The following BTRC variants were observed in gnomAD, a reference collection of about 807,000 sequenced individuals.
The protein encoded by BTRC is F-box/WD repeat-containing protein 1A.
In BTRC, 42 loss-of-function variants were observed where a neutral mutation model predicts 85.5. The observed-to-expected ratio is 0.49, with a 90% CI of 0.38 to 0.64. The LOEUF is 0.64. Among genes scored for constraint, BTRC ranks in the 30% least tolerant of loss-of-function variants. BTRC has a pLI of 0.00. For synonymous variants in BTRC, 255 were observed against 263.3 expected, an observed-to-expected ratio of 0.97 and a Z score of 0.30; for missense variants, 594 against 743.5, an observed-to-expected ratio of 0.80 and a Z score of 2.34.
chr10:101,525,460 C>A (rs2062176489), intron 5 of BTRC, among the ~76,000 whole-genome samples: 1 of 152,104 alleles, frequency 6.6e-6, no homozygotes, highest in South Asian at 2.1e-4. Context: ...GGGATATTTC[C>A]ATGCCATTCT....
intron 4 of BTRC, among the ~76,000 whole-genome samples, chr10:101,507,438 C>T (rs752978148): frequency 2.6e-5 from 4 of 152,204 alleles, no homozygotes; most frequent in African/African-American, 7.2e-5. Context: ...GGCTCTGTGC[C>T]GCTCCGATCC....
chr10:101,482,691 G>A (rs945869412), intron 4 of BTRC, among the ~76,000 whole-genome samples: 1 of 152,176 alleles, frequency 6.6e-6, no homozygotes, highest in East Asian at 1.9e-4. Flanking sequence ...TGCCGCATCC[G>A]GCCAACTGTT....
chr10:101,537,731 A>G (rs759829844), intron 12 of BTRC, among the ~76,000 whole-genome samples: 5 of 152,228 alleles, frequency 3.3e-5, no homozygotes, highest in Non-Finnish European at 5.9e-5. Flanking sequence ...TGGGACAGCC[A>G]TCACTGTTAC....
rs1335931067 is a variant in BTRC, at chr10:101,534,927, C to T, written c.1347+17C>T. 1 of 1,604,156 alleles carries T rather than the reference C, an allele frequency of 6.2e-7. No homozygotes were observed. The highest frequency in any genetic ancestry group is 1.1e-5 in the South Asian group (1 of 90,866). ...ACTATAAAGGTAATAAGGCATTTTTCAGTAAGTTTCCAACTTAGAATGGGG... is the reference window on the plus strand; with the variant it reads ...ACTATAAAGGTAATAAGGCATTTTTTAGTAAGTTTCCAACTTAGAATGGGG... On this transcript the variant is annotated intron_variant, in intron 10 of 14. Coordinates refer to ENST00000370187, the MANE Select transcript of BTRC (RefSeq NM_033637.4).
chr10:101,510,080 G>A (rs1324511308), intron 4 of BTRC, among the ~76,000 whole-genome samples: 2 of 151,988 alleles, frequency 1.3e-5, no homozygotes, highest in Non-Finnish European at 2.9e-5. Context: ...GTTGCAGTGA[G>A]CCGAGATTGC....
intron 2 of BTRC, among the ~76,000 whole-genome samples, chr10:101,457,969 C>CA (rs1246897991): frequency 6.6e-6 from 1 of 152,122 alleles, no homozygotes; most frequent in Non-Finnish European, 1.5e-5. Context: ...TACATATACA[C>CA]ACGCACATAC....
At chr10:101,548,898 C>G (rs1262898276) in intron 13 of BTRC, among the ~76,000 whole-genome samples, 1 of 150,706 alleles carries the variant, frequency 6.6e-6, no homozygotes, top group African/African-American at 2.4e-5. Context: ...ACTAAAAATA[C>G]AAAAATTAGC....
At chr10:101,410,223 G>A (rs779697471) in intron 1 of BTRC, among the ~76,000 whole-genome samples, 3 of 152,100 alleles carry the variant, frequency 2.0e-5, no homozygotes, top group Admixed American at 6.5e-5. Flanking sequence ...CTGCTTTTTA[G>A]CTTTCTTTAG....
chr10:101,377,363 G>A (rs903195290), intron 1 of BTRC, among the ~76,000 whole-genome samples: 1 of 152,204 alleles, frequency 6.6e-6, no homozygotes, highest in Non-Finnish European at 1.5e-5. Context: ...ATAAACACTT[G>A]TGTATAGATT....
chr10:101,358,639 G>C (rs923425413), intron 1 of BTRC, among the ~76,000 whole-genome samples: 3 of 152,040 alleles, frequency 2.0e-5, no homozygotes, highest in African/African-American at 7.2e-5. Context: ...TGCTTCACTT[G>C]GTATTGGCTG....
intron 13 of BTRC, among the ~76,000 whole-genome samples, chr10:101,544,599 T>A (rs907153681): frequency 3.3e-5 from 5 of 151,926 alleles, no homozygotes; most frequent in Admixed American, 2.0e-4. Flanking sequence ...AGAGATAGGG[T>A]CTCATTGTGT....
chr10:101,473,465 CTTTT>C (rs869163139), intron 3 of BTRC, among the ~76,000 whole-genome samples: 4 of 96,770 alleles, frequency 4.1e-5, no homozygotes, highest in Non-Finnish European at 7.7e-5. Context: ...TCTTTTTTCT[CTTTT>C]TTTTTTTTTT....
In BTRC at chr10:101,521,855, A is replaced by G. The variant is rs551753941; in HGVS notation, c.541A>G (p.Ile181Val). Residue 181 changes from isoleucine (I) to valine (V), a missense_variant, in exon 5 of 15, where the codon ATA becomes GTA. By Grantham distance (29) the Ile-to-Val change is conservative (BLOSUM62 3). Transcript: ENST00000370187. ...TAAACCTATGTTGCAGAGAGATTTC[A>G]TAACTGCTCTGCCAGGTATGTCTAC... The part of the protein sequence containing the change: ...YLKPMLQRDF[I>V]TALPARGLDH... 1.4e-5 allele frequency: 23 copies of G among 1,610,774 alleles called. No homozygotes were observed. In the South Asian group the frequency reaches 2.0e-4, roughly 14 times the overall value.
chr10:101,465,092 TTTTG>T (rs1360756052), intron 3 of BTRC, among the ~76,000 whole-genome samples: 3 of 152,176 alleles, frequency 2.0e-5, no homozygotes, highest in African/African-American at 7.2e-5. Flanking sequence ...CCATTTGCTA[TTTTG>T]TTTTTTTGTT....
intron 2 of BTRC, among the ~76,000 whole-genome samples, chr10:101,442,571 G>T (rs1260564523): frequency 6.6e-6 from 1 of 152,028 alleles, no homozygotes; most frequent in East Asian, 1.9e-4. Flanking sequence ...ATTTTATTAG[G>T]CATAAAGTTT....
intron 4 of BTRC, among the ~76,000 whole-genome samples, chr10:101,516,917 A>G (rs1206296870): frequency 6.6e-6 from 1 of 152,206 alleles, no homozygotes; most frequent in Non-Finnish European, 1.5e-5. Flanking sequence ...CTTTTAAAAG[A>G]CAAAGGGTGC....
chr10:101,532,820 A>C (rs2062319428), intron 8 of BTRC, 132 bp from the exon 9 acceptor site: 1 of 702,440 alleles, frequency 1.4e-6, no homozygotes, highest in African/African-American at 1.9e-5. Flanking sequence ...GCTTAGCTAT[A>C]CCTATAGAAA....
intron 4 of BTRC, among the ~76,000 whole-genome samples, chr10:101,497,474 A>G (rs1297202828): frequency 6.6e-6 from 1 of 152,050 alleles, no homozygotes; most frequent in Non-Finnish European, 1.5e-5. Flanking sequence ...GCCCAGGTGG[A>G]AGGATTGAGC....
intron 2 of BTRC, among the ~76,000 whole-genome samples, chr10:101,443,324 A>G (rs1170210959): frequency 7.9e-5 from 12 of 152,232 alleles, no homozygotes; most frequent in Non-Finnish European, 1.5e-5. Context: ...TTTGTAAAAC[A>G]TGCAAATGTA....
Sources: allele counts gnomAD v4.1 joint callset (sites outside exome capture counted in the v4.1 genomes callset), GRCh38; gene constraint gnomAD v4.1.1; transcripts MANE v1.5; gene names NCBI Gene and HGNC (gene_info 2026-07-23, HGNC 2026-07-21).